The following DUSP16 variants were observed in gnomAD, a reference collection of about 807,000 sequenced individuals.
The protein encoded by DUSP16 is dual specificity protein phosphatase 16.
In DUSP16, 21 loss-of-function variants were observed where a neutral mutation model predicts 58.3. That is an observed-to-expected ratio of 0.36 (90% CI 0.26 to 0.52). DUSP16 has a LOEUF of 0.52. DUSP16 is among the 20% of genes least tolerant of loss of function. The pLI is 0.94. For synonymous variants in DUSP16, 320 were observed against 323.8 expected, an observed-to-expected ratio of 0.99 and a Z score of 0.12; for missense variants, 726 against 819.0, an observed-to-expected ratio of 0.89 and a Z score of 1.39.
chr12:12,548,073 C>T (rs765007718), intron 1 of DUSP16, among the ~76,000 whole-genome samples: 5 of 152,150 alleles, frequency 3.3e-5, no homozygotes, highest in Admixed American at 6.5e-5. Flanking sequence ...CCACTCACTC[C>T]ATTTTTGTAT....
intron 4 of DUSP16, among the ~76,000 whole-genome samples, chr12:12,494,322 C>T (rs532814499): frequency 1.3e-4 from 20 of 152,108 alleles, no homozygotes; most frequent in Non-Finnish European, 2.6e-4. Flanking sequence ...ATACAAGTTG[C>T]ATGGGTTACA....
In DUSP16 at chr12:12,475,804, AG is replaced by A. The variant is rs1367296676; in HGVS notation, c.*1028del. The A allele has an allele frequency of 6.6e-6, 1 of 152,258 alleles. No homozygotes were observed. The highest frequency in any genetic ancestry group is 6.5e-5 in the Admixed American group (1 of 15,290). 9.4% of individuals were successfully genotyped at this position (152,258 alleles called of 1,614,324 possible). Reference sequence around the variant, plus strand: ...TACATTTTACCAACTGTATCCATGCAGTGAAGCAGAAAGGGCAAAAACATCT... The same window carrying A: ...TACATTTTACCAACTGTATCCATGCATGAAGCAGAAAGGGCAAAAACATCT... On this transcript the variant is annotated 3_prime_UTR_variant, in exon 7 of 7. Coordinates refer to ENST00000298573, the MANE Select transcript of DUSP16 (RefSeq NM_030640.3).
chr12:12,499,531 G>A (rs776782893), intron 4 of DUSP16, among the ~76,000 whole-genome samples: 3 of 152,144 alleles, frequency 2.0e-5, no homozygotes, highest in African/African-American at 4.8e-5. Flanking sequence ...CCAATGACCC[G>A]ATGATCGGGT....
intron 1 of DUSP16, among the ~76,000 whole-genome samples, chr12:12,533,741 G>T (rs1421735752): frequency 6.6e-6 from 1 of 152,056 alleles, no homozygotes; most frequent in Non-Finnish European, 1.5e-5. Flanking sequence ...TGTGGACTAG[G>T]ACTCAGGAGA....
chr12:12,485,008 T>C (rs1440857688), intron 5 of DUSP16, among the ~76,000 whole-genome samples: 1 of 149,152 alleles, frequency 6.7e-6, no homozygotes, highest in East Asian at 2.1e-4. Flanking sequence ...GGTTTGTTTG[T>C]GATTTTTTTT....
chr12:12,558,532 C>T lies in DUSP16; in HGVS notation c.-366+3585G>A, dbSNP rs529058692. Among the ~76,000 whole-genome samples, 526 of 152,244 alleles carry T rather than the reference C, an allele frequency of 3.5e-3. 2 individuals carry two copies. The highest frequency in any genetic ancestry group is 0.01 in the Middle Eastern group (3 of 294). On this transcript the variant is annotated intron_variant, in intron 1 of 6. Transcript: ENST00000298573. ...AAGTAGCCGGCACCACAGCTGCGTACTACTACCATACCTAGCTAATTTTTT... is the reference window on the plus strand; with the variant it reads ...AAGTAGCCGGCACCACAGCTGCGTATTACTACCATACCTAGCTAATTTTTT...
rs959328180 is a variant in DUSP16 at position 12,475,381 on chromosome 12, T to C, written c.*1452A>G. 1 of 152,190 alleles carries C rather than the reference T, an allele frequency of 6.6e-6. No homozygotes were observed. The highest frequency in any genetic ancestry group is 1.5e-5 in the Non-Finnish European group (1 of 68,034). The allele number at this position is 152,190 out of a possible 1,614,324, so 9.4% of individuals were successfully genotyped here. A position where few individuals can be genotyped will look rare whatever the true frequency, so the allele number is the denominator to read the frequency against. Reference sequence around the variant, plus strand: ...TCCTATGTTCAGCTGCCAGGACCGATTCCATACAGTGATTGTAGGTTGAGG... The same window carrying C: ...TCCTATGTTCAGCTGCCAGGACCGACTCCATACAGTGATTGTAGGTTGAGG... On this transcript the variant is annotated 3_prime_UTR_variant, in exon 7 of 7. Transcript: ENST00000298573.
At chr12:12,526,084 T>C (rs781499178) in intron 1 of DUSP16, among the ~76,000 whole-genome samples, 1 of 152,082 alleles carries the variant, frequency 6.6e-6, no homozygotes, top group Non-Finnish European at 1.5e-5. Flanking sequence ...AAGTTCAAAA[T>C]AAAGGTTTTA....
At chr12:12,497,666 T>G (rs1943847802) in intron 4 of DUSP16, among the ~76,000 whole-genome samples, 1 of 134,702 alleles carries the variant, frequency 7.4e-6, no homozygotes, top group Admixed American at 7.7e-5. Flanking sequence ...GGCACTTCAT[T>G]TAAAAAAAAA....
chr12:12,534,172 AAAAG>A (rs1368683733), intron 1 of DUSP16, among the ~76,000 whole-genome samples: 2 of 152,242 alleles, frequency 1.3e-5, no homozygotes, highest in Admixed American at 6.5e-5. Context: ...AGGTAAGGAA[AAAAG>A]AAAGGGCGGC....
intron 3 of DUSP16, among the ~76,000 whole-genome samples, chr12:12,504,182 A>G (rs530553770): frequency 6.6e-6 from 1 of 152,298 alleles, no homozygotes; most frequent in East Asian, 1.9e-4. Context: ...ACCCAACCTA[A>G]CAACTGTCAG....
In DUSP16 at chr12:12,487,193, G is replaced by A; in HGVS notation, c.532-6C>T. On this transcript the variant is annotated splice_polypyrimidine_tract_variant and splice_region_variant and intron_variant, in intron 4 of 6. Coordinates refer to ENST00000298573, the MANE Select transcript of DUSP16 (RefSeq NM_030640.3). ...CCATTCTGCTGCATCAGCTCCTATG[G>A]AGAGAAAGAGTAGCAGTTAAAGTGA... is the stretch of plus-strand genomic sequence containing the variant. 2 of 1,613,066 alleles carry A rather than the reference G, an allele frequency of 1.2e-6. No homozygotes were observed. Among genetic ancestry groups the A allele is most frequent in the Non-Finnish European group, 8.5e-7 (1 of 1,179,206 alleles).
intron 4 of DUSP16, among the ~76,000 whole-genome samples, chr12:12,496,819 G>A (rs1943834146): frequency 2.0e-5 from 3 of 152,212 alleles, no homozygotes; most frequent in Admixed American, 2.0e-4. Context: ...ACAAAGACTA[G>A]AGGATGAAAG....
In DUSP16 at chr12:12,473,427, G is replaced by A. The variant is rs2136177364; in HGVS notation, c.*3406C>T. ...TCCCAAGATCTGCATCTTCTCATTG[G>A]AAGCCTCTCACTGAAACAACTGTTC... On this transcript the variant is annotated 3_prime_UTR_variant, in exon 7 of 7. Coordinates refer to ENST00000298573, the MANE Select transcript of DUSP16 (RefSeq NM_030640.3). Among the ~76,000 whole-genome samples, 1 of 152,268 alleles carries A rather than the reference G, an allele frequency of 6.6e-6. No individual in the cohort carries two copies. Among genetic ancestry groups the A allele is most frequent in the East Asian group, 1.9e-4 (1 of 5,186 alleles).
At position 12,485,010 on chromosome 12, in the gene DUSP16, A is replaced by ATT. The variant is rs371113333; in HGVS notation, c.691+2016_691+2017dup. Among the ~76,000 whole-genome samples, 13 of 125,064 alleles carry ATT rather than the reference A, an allele frequency of 1.0e-4. No individual in the cohort carries two copies. The South Asian group carries it at 1.7e-3, about 16-fold the overall frequency. The allele number at this position is 125,064 out of a possible 152,430, so 82.0% of individuals were successfully genotyped here. A position where few individuals can be genotyped will look rare whatever the true frequency, so the allele number is the denominator to read the frequency against. Reference sequence around the variant, plus strand: ...GTTAACTTGTGGGGGTTTGTTTGTGATTTTTTTTTTTTTTTTTGAGATAGA... The same window carrying ATT: ...GTTAACTTGTGGGGGTTTGTTTGTGATTTTTTTTTTTTTTTTTTTGAGATAGA... On this transcript the variant is annotated intron_variant, in intron 5 of 6. Transcript: ENST00000298573.
chr12:12,492,261 T>C (rs1943771414), intron 4 of DUSP16, among the ~76,000 whole-genome samples: 1 of 152,188 alleles, frequency 6.6e-6, no homozygotes, highest in Admixed American at 6.5e-5. Flanking sequence ...AAACTCCCTA[T>C]ATGTCCCCAC....
At position 12,562,232 on chromosome 12, in the gene DUSP16, G is replaced by A. The variant is rs909569427; in HGVS notation, c.-481C>T. ...CGAGGCGCCGCCGCGGAGCCGAGAG[G>A]GCGGCTGCGCTCCCGCTCGCGTCCC... On this transcript the variant is annotated 5_prime_UTR_variant, in exon 1 of 7. Transcript: ENST00000298573. 4.6e-5 allele frequency: 7 copies of A among 152,250 alleles called. No individual in the cohort carries two copies. In the South Asian group the frequency reaches 8.3e-4, roughly 18 times the overall value. 9.4% of individuals were successfully genotyped at this position (152,250 alleles called of 1,614,324 possible). A position where few individuals can be genotyped will look rare whatever the true frequency, so the allele number is the denominator to read the frequency against.
intron 3 of DUSP16, among the ~76,000 whole-genome samples, chr12:12,510,330 G>C (rs1275882348): frequency 6.6e-6 from 1 of 152,156 alleles, no homozygotes; most frequent in Non-Finnish European, 1.5e-5. Flanking sequence ...CTAGTGTCTG[G>C]AGAATTATTC....
At chr12:12,511,452 T>A (rs536269751) in intron 3 of DUSP16, among the ~76,000 whole-genome samples, 1 of 152,284 alleles carries the variant, frequency 6.6e-6, no homozygotes, top group East Asian at 1.9e-4. Flanking sequence ...TCCACTCTGG[T>A]CTGCTCACTG....
Sources: gnomAD v4.1 joint callset for allele counts (sites outside exome capture counted in the v4.1 genomes callset) on GRCh38, gnomAD v4.1.1 for gene constraint, MANE v1.5 for transcripts, NCBI Gene and HGNC (gene_info 2026-07-23, HGNC 2026-07-21) for gene names.